The following PSD2 variants were observed in gnomAD, a reference collection of about 807,000 sequenced individuals.
The protein encoded by PSD2 is pleckstrin and Sec7 domain containing 2.
Under a neutral mutation model 69.8 loss-of-function variants are expected in PSD2, and 38 were observed. The observed-to-expected ratio is 0.54, with a 90% CI of 0.42 to 0.71. The LOEUF (loss-of-function observed/expected upper bound fraction) is 0.71. Among genes scored for constraint, PSD2 ranks in the 30% least tolerant of loss-of-function variants. PSD2 has a pLI of 0.00. For missense variants in PSD2, 943 were observed against 1,014.5 expected (o/e 0.93, Z 0.96); for synonymous variants, 412 against 423.0 (o/e 0.97, Z 0.32).
At chr5:139,749,565 C>T in the PSD2 span, among the ~76,000 whole-genome samples, 13 of 152,298 alleles carry the variant, frequency 8.5e-5, no homozygotes, top group Admixed American at 6.5e-4. Context: ...GAAACTGAGG[C>T]GTACCAAGAG....
At chr5:139,821,506 A>T (rs1167769498) in intron 5 of PSD2, among the ~76,000 whole-genome samples, 1 of 152,184 alleles carries the variant, frequency 6.6e-6, no homozygotes, top group East Asian at 1.9e-4. Flanking sequence ...GGGATGACTG[A>T]GGAGGAGCAT....
chr5:139,771,840 G>T, the PSD2 span, among the ~76,000 whole-genome samples: 1 of 152,158 alleles, frequency 6.6e-6, no homozygotes, highest in Non-Finnish European at 1.5e-5. Flanking sequence ...TGTTGCCCCT[G>T]GCCTTGGGGG....
chr5:139,841,278 A>G (rs1183925879), intron 14 of PSD2, among the ~76,000 whole-genome samples: 1 of 152,204 alleles, frequency 6.6e-6, no homozygotes, highest in African/African-American at 2.4e-5. Context: ...CAGACCTTGG[A>G]GATGACCTTG....
rs776553648 is a variant in PSD2, at chr5:139,817,487, G to A, written c.1023G>A (p.Glu341=). 3.1e-6 allele frequency: 5 copies of A among 1,613,954 alleles called. No individual in the cohort carries two copies. The South Asian group carries it at 3.3e-5, about 11-fold the overall frequency. The change falls in exon 5 of 15, where the codon GAG becomes GAA. Residue 341 remains glutamate, a synonymous_variant. Transcript: ENST00000274710. ...DVARQLGKNN[E]FSRLVAGEYL... ...TCCCATACTCTCCTGGCAGCAACGA[G>A]TTTAGCAGGCTGGTGGCCGGGGAGT...
chr5:139,818,351 C>G lies in PSD2; in HGVS notation c.1097+790C>G, dbSNP rs553723513. Reference sequence around the variant, plus strand: ...CCTGAGGCCAGGAGTTCCAGACCAGCCTGGGCAACATAGGGAGGCCCAGTC... The same window carrying G: ...CCTGAGGCCAGGAGTTCCAGACCAGGCTGGGCAACATAGGGAGGCCCAGTC... On this transcript the variant is annotated intron_variant, in intron 5 of 14. Transcript: ENST00000274710. Among the ~76,000 whole-genome samples the G allele has an allele frequency of 2.6e-5, 4 of 152,242 alleles. No individual in the cohort carries two copies. The East Asian group carries it at 7.7e-4, about 29-fold the overall frequency.
At chr5:139,775,677 C>T in the PSD2 span, among the ~76,000 whole-genome samples, 1 of 152,062 alleles carries the variant, frequency 6.6e-6, no homozygotes, top group African/African-American at 2.4e-5. Flanking sequence ...CTCCTTTCTT[C>T]TTCCTTTTTT....
intron 12 of PSD2, among the ~76,000 whole-genome samples, chr5:139,838,097 G>A (rs1474438758): frequency 6.6e-6 from 1 of 152,216 alleles, no homozygotes; most frequent in African/African-American, 2.4e-5. Context: ...GCATCTTTAC[G>A]AATCATCCTT....
chr5:139,820,959 ATCT>A (rs1220623825), intron 5 of PSD2, among the ~76,000 whole-genome samples: 2 of 151,316 alleles, frequency 1.3e-5, no homozygotes, highest in Non-Finnish European at 2.9e-5. Flanking sequence ...TTGAGATGGA[ATCT>A]TCTTCTGTCG....
chr5:139,816,228 C>CT (rs993084397), intron 4 of PSD2, among the ~76,000 whole-genome samples: 22 of 152,056 alleles, frequency 1.4e-4, no homozygotes, highest in Admixed American at 1.2e-3. Context: ...TGATAAGGAT[C>CT]TTTTTTTACA....
At chr5:139,810,602 G>A (rs1433067793) in intron 2 of PSD2, among the ~76,000 whole-genome samples, 2 of 152,208 alleles carry the variant, frequency 1.3e-5, no homozygotes, top group Non-Finnish European at 2.9e-5. Flanking sequence ...CTGTGGGTGG[G>A]GGGTGTTGGT....
At chr5:139,792,887 CT>C, upstream of PSD2, among the ~76,000 whole-genome samples, 1 of 129,300 alleles carries the variant, frequency 7.7e-6, no homozygotes, top group Non-Finnish European at 1.6e-5. Flanking sequence ...TCCTTCCTTC[CT>C]TCCTTCCTTC....
the PSD2 span, among the ~76,000 whole-genome samples, chr5:139,751,306 C>T: frequency 4.6e-3 from 695 of 152,260 alleles, 7 homozygotes; most frequent in African/African-American, 0.015. Flanking sequence ...CTCTCCCCAC[C>T]CCAAGCTCCC....
chr5:139,830,928 C>T (rs1378789358), intron 7 of PSD2, among the ~76,000 whole-genome samples: 1 of 132,696 alleles, frequency 7.5e-6, no homozygotes, highest in Non-Finnish European at 1.6e-5. Flanking sequence ...TTGTGTATTT[C>T]TAAGAATTTG....
the PSD2 span, among the ~76,000 whole-genome samples, chr5:139,781,957 G>A: frequency 2.0e-5 from 3 of 151,676 alleles, no homozygotes; most frequent in Non-Finnish European, 1.5e-5. Flanking sequence ...CTCTGAAATC[G>A]CACACACACA....
At chr5:139,779,106 A>T in the PSD2 span, among the ~76,000 whole-genome samples, 1 of 152,164 alleles carries the variant, frequency 6.6e-6, no homozygotes, top group South Asian at 2.1e-4. Flanking sequence ...GGACTTAGCC[A>T]TCAGTTGTTT....
intron 1 of PSD2, among the ~76,000 whole-genome samples, chr5:139,798,665 TTCTC>T (rs955015148): frequency 6.6e-6 from 1 of 151,724 alleles, no homozygotes; most frequent in Non-Finnish European, 1.5e-5. Flanking sequence ...CTCTCTCTCT[TTCTC>T]TCTCTCTCTC....
the PSD2 span, among the ~76,000 whole-genome samples, chr5:139,767,958 C>G: frequency 1.3e-5 from 2 of 152,266 alleles, no homozygotes; most frequent in Non-Finnish European, 2.9e-5. Context: ...CCAGAGTCCT[C>G]TGCCTCAGCT....
chr5:139,813,222 G>T lies in PSD2; in HGVS notation c.372-87G>T, dbSNP rs994206906. The T allele has an allele frequency of 6.2e-6, 7 of 1,131,846 alleles. No homozygotes were observed. In the South Asian group the frequency reaches 1.2e-4, roughly 19 times the overall value. 70.1% of individuals were successfully genotyped at this position (1,131,846 alleles called of 1,614,324 possible). Reference sequence around the variant, plus strand: ...ATGGGGGAGTGGTGTGCCCCCAGGGGGCTCCCAGACACAGATGAGTGTAGT... The same window carrying T: ...ATGGGGGAGTGGTGTGCCCCCAGGGTGCTCCCAGACACAGATGAGTGTAGT... On this transcript the variant is annotated intron_variant, in intron 2 of 14. Coordinates refer to ENST00000274710, the MANE Select transcript of PSD2 (RefSeq NM_032289.4).
chr5:139,787,686 G>T, the PSD2 span, among the ~76,000 whole-genome samples: 4 of 152,372 alleles, frequency 2.6e-5, no homozygotes, highest in East Asian at 7.7e-4. Flanking sequence ...GGGCCGGGAG[G>T]GGCTGGGCTG....
Sources: gnomAD v4.1 joint callset for allele counts (sites outside exome capture counted in the v4.1 genomes callset) on GRCh38, gnomAD v4.1.1 for gene constraint, MANE v1.5 for transcripts, NCBI Gene and HGNC (gene_info 2026-07-23, HGNC 2026-07-21) for gene names.